Variants in TACC3 observed in about 807,000 individuals in gnomAD.
TACC3 encodes transforming acidic coiled-coil-containing protein 3.
Under a neutral mutation model 86.0 loss-of-function variants are expected in TACC3, and 52 were observed. The ratio of observed to expected loss-of-function variants is 0.60; its 90% confidence interval spans 0.48 to 0.76. TACC3 has a LOEUF of 0.76. Among genes scored for constraint, TACC3 ranks in the 30% least tolerant of loss-of-function variants. TACC3 has a pLI of 0.00. For synonymous variants in TACC3, 512 were observed against 430.0 expected (o/e 1.19, Z -2.36); for missense variants, 1,120 against 1,070.4 (o/e 1.05, Z -0.65).
chr4:1,736,156 G>T (rs1718252188), intron 8 of TACC3, among the ~76,000 whole-genome samples: 1 of 152,226 alleles, frequency 6.6e-6, no homozygotes. Flanking sequence ...AGGCGCGGTG[G>T]CTTACGCCTG....
chr4:1,727,806 C>G lies in TACC3; in HGVS notation c.404C>G (p.Ala135Gly). The change falls in exon 4 of 16, where the codon GCC becomes GGC. Residue 135 changes from alanine to glycine, a missense_variant. Physicochemically the swap from Ala to Gly is moderately conservative, Grantham distance 60 (BLOSUM62 0). Coordinates refer to ENST00000313288, the MANE Select transcript of TACC3 (RefSeq NM_006342.3). ...DTDLLGDASP[A>G]FGSGSSSESG... is the part of the protein sequence containing the mutation. ...GACCTCCTGGGGGATGCAAGCCCAG[C>G]CTTTGGGAGTGGCAGCTCCAGCGAG... The G allele has an allele frequency of 6.2e-7, 1 of 1,613,378 alleles. No homozygotes were observed. Among genetic ancestry groups the G allele is most frequent in the Non-Finnish European group, 8.5e-7 (1 of 1,179,992 alleles).
chr4:1,744,581 A>G lies in TACC3; in HGVS notation c.2287A>G (p.Arg763Gly). The part of the protein sequence containing the change: ...YLARITQEGQ[R>G]YQALKAHAEE... ...GGCAAGGATCACCCAGGAGGGCCAG[A>G]GGTACCAAGCCCTGAAGGCCCACGC... The change falls in exon 14 of 16, where the codon AGG (arginine) becomes GGG (glycine). Residue 763 changes from arginine (R) to glycine (G), a missense_variant. Arg to Gly is a moderately radical substitution (Grantham distance 125). Transcript: ENST00000313288. 1.2e-6 allele frequency: 2 copies of G among 1,613,284 alleles called. No homozygotes were observed. The highest frequency in any genetic ancestry group is 1.7e-6 in the Non-Finnish European group (2 of 1,180,006).
chr4:1,744,591 C>G lies in TACC3; in HGVS notation c.2297C>G (p.Ala766Gly), dbSNP rs781196053. Reference sequence around the variant, plus strand: ...ACCCAGGAGGGCCAGAGGTACCAAGCCCTGAAGGCCCACGCGGAGGAGAAG... The same window carrying G: ...ACCCAGGAGGGCCAGAGGTACCAAGGCCTGAAGGCCCACGCGGAGGAGAAG... ...RITQEGQRYQ[A>G]LKAHAEEKLQ... Residue 766 changes from alanine to glycine, a missense_variant, in exon 14 of 16, where the codon GCC becomes GGC. Transcript: ENST00000313288. 10 of 1,613,250 alleles carry G rather than the reference C, an allele frequency of 6.2e-6. No individual in the cohort carries two copies. In the South Asian group the frequency reaches 1.1e-4, roughly 18 times the overall value.
chr4:1,723,339 C>T, intron 1 of TACC3, 82 bp from the exon 2 acceptor site: 2 of 1,467,004 alleles, frequency 1.4e-6, no homozygotes, highest in Non-Finnish European at 9.4e-7. Context: ...GGTCGTGCCC[C>T]TTGCAGCAGC....
chr4:1,740,298 C>A (rs1718523356), intron 12 of TACC3: 4 of 538,148 alleles, frequency 7.4e-6, no homozygotes, highest in Non-Finnish European at 1.3e-5. Flanking sequence ...CCGTGGCCTA[C>A]CCCACTCCAC....
At position 1,737,579 on chromosome 4, in the gene TACC3, T is replaced by G. The variant is rs1334152834; in HGVS notation, c.1837-19T>G. The stretch of plus-strand genomic sequence containing the variant: ...GGCAAGGGCGAAATGGGTTCCTGTT[T>G]CATCCCCATCTCCCGCAGGTGCCAG... On this transcript the variant is annotated intron_variant, in intron 9 of 15. Coordinates refer to ENST00000313288, the MANE Select transcript of TACC3 (RefSeq NM_006342.3). The G allele has an allele frequency of 6.7e-7, 1 of 1,486,486 alleles. No individual in the cohort carries two copies. The highest frequency in any genetic ancestry group is 2.3e-5 in the Admixed American group (1 of 43,924). The allele number at this position is 1,486,486 out of a possible 1,614,324, so 92.1% of individuals were successfully genotyped here. A position where few individuals can be genotyped will look rare whatever the true frequency, so the allele number is the denominator to read the frequency against.
chr4:1,743,886 GA>G (rs943983443), intron 13 of TACC3, among the ~76,000 whole-genome samples: 12 of 152,238 alleles, frequency 7.9e-5, no homozygotes, highest in African/African-American at 1.4e-4. Flanking sequence ...GGCTCAGGGA[GA>G]GGCTGCAGTG....
At chr4:1,727,583 G>T in intron 3 of TACC3, 125 bp from the exon 4 acceptor site, 2 of 1,462,240 alleles carry the variant, frequency 1.4e-6, no homozygotes, top group South Asian at 1.4e-5. Context: ...ACGGGAAGCC[G>T]TGCCAAGGGT....
At chr4:1,739,873 C>T (rs1404118352) in intron 11 of TACC3, 86 bp from the exon 12 acceptor site, 1 of 1,588,220 alleles carries the variant, frequency 6.3e-7, no homozygotes, top group South Asian at 1.1e-5. Flanking sequence ...TCCCCCTCGC[C>T]ATCCCTGTCC....
At chr4:1,733,500 C>CT (rs138425686) in intron 6 of TACC3, among the ~76,000 whole-genome samples, 27,768 of 110,558 alleles carry the variant, frequency 0.25, 3,190 homozygotes, top group Non-Finnish European at 0.33. Context: ...CAAAAAAAAC[C>CT]TTTTTTTTTA....
rs112671464 is a variant in TACC3 at position 1,723,477 on chromosome 4, A to C, written c.56A>C (p.Asn19Thr). 1 of 1,613,692 alleles carries C rather than the reference A, an allele frequency of 6.2e-7. No homozygotes were observed. Among genetic ancestry groups the C allele is most frequent in the Non-Finnish European group, 8.5e-7 (1 of 1,179,988 alleles). Residue 19 changes from asparagine to threonine, a missense_variant, in exon 2 of 16, where the codon AAT (asparagine) becomes ACT (threonine). Asn to Thr is a moderately conservative substitution (Grantham distance 65). Coordinates refer to ENST00000313288, the MANE Select transcript of TACC3 (RefSeq NM_006342.3). Reference protein sequence around the residue: ...KNVSNEKNTENCDFLFSPPEV... With the variant: ...KNVSNEKNTETCDFLFSPPEV... ...GTCAGCAATGAAAAAAATACAGAAA[A>C]TTGCGACTTCCTGTTTTCGCCACCA...
chr4:1,733,313 G>A (rs947616899), intron 6 of TACC3, among the ~76,000 whole-genome samples: 23 of 152,012 alleles, frequency 1.5e-4, no homozygotes, highest in African/African-American at 5.6e-4. Context: ...AAGAAGTGAG[G>A]GAAAGGAAAA....
Position 1,727,940 on chromosome 4 carries a change from C to G in TACC3, c.538C>G (p.Gln180Glu). Residue 180 changes from glutamine to glutamate, a missense_variant, in exon 4 of 16, where the codon CAA becomes GAA. Gln to Glu is a conservative substitution (Grantham distance 29). Coordinates refer to ENST00000313288, the MANE Select transcript of TACC3 (RefSeq NM_006342.3). ...SPGKVSGSPEQAVEENLSSYS... is the reference protein window; with the variant it reads ...SPGKVSGSPEEAVEENLSSYS... ...AGGAAAAGTGTCTGGCAGCCCTGAG[C>G]AAGCCGTGGAGGAAAACCTTAGTTC... 1 of 1,613,826 alleles carries G rather than the reference C, an allele frequency of 6.2e-7. No homozygotes were observed. Among genetic ancestry groups the G allele is most frequent in the South Asian group, 1.1e-5 (1 of 91,090 alleles).
intron 13 of TACC3, among the ~76,000 whole-genome samples, chr4:1,744,041 T>C (rs1718721142): frequency 6.6e-6 from 1 of 151,962 alleles, no homozygotes; most frequent in Non-Finnish European, 1.5e-5. Context: ...AACCCCTCAG[T>C]TAGGGCTTCT....
In TACC3 at chr4:1,723,859, A is replaced by G. The variant is rs769012842; in HGVS notation, c.294A>G (p.Thr98=). Residue 98 remains threonine, a synonymous_variant, in exon 3 of 16, where the codon ACA becomes ACG. Coordinates refer to ENST00000313288, the MANE Select transcript of TACC3 (RefSeq NM_006342.3). Reference sequence around the variant, plus strand: ...TGGAAAACTCACACCCGGTCTGGACACAGAAAGAGAAGTAAGTGTTGGTGC... The same window carrying G: ...TGGAAAACTCACACCCGGTCTGGACGCAGAAAGAGAAGTAAGTGTTGGTGC... ...LGLENSHPVW[T]QKENQQLIKE... is the part of the protein sequence containing the mutation. 34 of 1,613,158 alleles carry G rather than the reference A, an allele frequency of 2.1e-5. No homozygotes were observed. In the South Asian group the frequency reaches 3.3e-4, roughly 16 times the overall value.
intron 3 of TACC3, among the ~76,000 whole-genome samples, chr4:1,725,235 C>T (rs111530612): frequency 2.0e-5 from 3 of 152,016 alleles, no homozygotes; most frequent in Non-Finnish European, 2.9e-5. Context: ...CCCGGCTGGC[C>T]CAAAACTTTT....
intron 10 of TACC3, 81 bp from the exon 11 acceptor site, chr4:1,739,621 G>A (rs536952943): frequency 3.0e-5 from 40 of 1,336,778 alleles, no homozygotes; most frequent in East Asian, 1.8e-4. Context: ...CCTCGGGTGC[G>A]GGCTGGCCCC....
intron 6 of TACC3, among the ~76,000 whole-genome samples, chr4:1,732,748 G>C (rs1035716274): frequency 2.0e-4 from 31 of 152,350 alleles, no homozygotes; most frequent in Non-Finnish European, 3.7e-4. Context: ...GTCTCCCTCG[G>C]GGAGGTGTGT....
chr4:1,735,677 C>CTT lies in TACC3; in HGVS notation c.1645-54_1645-53insTT. ...GGTGACCTCCCTGGCCCTTAGCCCC[C>CTT]GTGTGTGTTAGGGGATGGCAGTCAG... On this transcript the variant is annotated intron_variant, in intron 7 of 15. Transcript: ENST00000313288. This position sits in a 1 kb window ranked among gnomAD's most constrained non-coding sequence, Gnocchi z 4.2. 2 of 1,430,712 alleles carry CTT rather than the reference C, an allele frequency of 1.4e-6. No homozygotes were observed. Among genetic ancestry groups the CTT allele is most frequent in the Admixed American group, 1.7e-5 (1 of 59,698 alleles). 88.6% of individuals were successfully genotyped at this position (1,430,712 alleles called of 1,614,324 possible).
Sources: gnomAD v4.1 joint callset for allele counts (sites outside exome capture counted in the v4.1 genomes callset) on GRCh38, gnomAD v4.1.1 for gene constraint, Gnocchi (gnomAD v3.1) non-coding constraint, MANE v1.5 for transcripts, NCBI Gene and HGNC (gene_info 2026-07-23, HGNC 2026-07-21) for gene names.